LRMDA: variants seen among roughly 807,000 people sequenced by gnomAD.
LRMDA encodes leucine rich melanocyte differentiation associated, also known as leucine-rich melanocyte differentiation-associated protein.
Under a neutral mutation model 29.8 loss-of-function variants are expected in LRMDA, and 18 were observed. The observed-to-expected ratio is 0.60, with a 90% CI of 0.42 to 0.90. LRMDA has a LOEUF of 0.90. Ranked by LOEUF, LRMDA falls within the 40% of genes least tolerant of loss-of-function variation. LRMDA has a pLI of 0.00. For synonymous variants in LRMDA, 125 were observed against 109.4 expected (o/e 1.14, Z -0.89); for missense variants, 273 against 273.9 (o/e 1.00, Z 0.02).
At chr10:75,901,316 T>C (rs1261053538) in intron 2 of LRMDA, among the ~76,000 whole-genome samples, 1 of 152,186 alleles carries the variant, frequency 6.6e-6, no homozygotes, top group South Asian at 2.1e-4. Flanking sequence ...CACCTTTTTT[T>C]TTTTTTAAGA....
chr10:75,861,761 A>G (rs1564589508), intron 2 of LRMDA, among the ~76,000 whole-genome samples: 1 of 152,194 alleles, frequency 6.6e-6, no homozygotes, highest in Non-Finnish European at 1.5e-5. Context: ...CACACTTCCT[A>G]GTAGTTCCCT....
intron 2 of LRMDA, among the ~76,000 whole-genome samples, chr10:75,997,286 T>C (rs879468118): frequency 6.6e-6 from 1 of 152,178 alleles, no homozygotes; most frequent in Non-Finnish European, 1.5e-5. Flanking sequence ...ACTATATTGT[T>C]CTAGGCCTTT....
chr10:76,413,367 C>T (rs555775790), intron 6 of LRMDA, among the ~76,000 whole-genome samples: 1 of 152,132 alleles, frequency 6.6e-6, no homozygotes, highest in Non-Finnish European at 1.5e-5. Context: ...ATGGAGTCAC[C>T]GTTCTACCTG....
At chr10:75,471,932 C>T (rs1262740572) in intron 2 of LRMDA, among the ~76,000 whole-genome samples, 1 of 152,016 alleles carries the variant, frequency 6.6e-6, no homozygotes. Context: ...TATCCTTGAC[C>T]CTCTGGCTTC....
At chr10:75,552,900 T>G (rs1840170128) in intron 2 of LRMDA, among the ~76,000 whole-genome samples, 2 of 152,158 alleles carry the variant, frequency 1.3e-5, no homozygotes, top group African/African-American at 4.8e-5. Flanking sequence ...CCTTTCCATT[T>G]GACTCATTTT....
intron 2 of LRMDA, among the ~76,000 whole-genome samples, chr10:75,868,153 G>A (rs1408109955): frequency 1.3e-5 from 2 of 152,156 alleles, no homozygotes; most frequent in Admixed American, 6.6e-5. Flanking sequence ...TCATTGTGAG[G>A]TGTTGGCTGT....
At chr10:76,147,446 C>T (rs1190106578) in intron 5 of LRMDA, among the ~76,000 whole-genome samples, 2 of 152,160 alleles carry the variant, frequency 1.3e-5, no homozygotes, top group South Asian at 4.1e-4. Flanking sequence ...CATCTTCCAT[C>T]ACTGATACCC....
chr10:76,442,769 T>C (rs1379026002), intron 6 of LRMDA, among the ~76,000 whole-genome samples: 1 of 152,204 alleles, frequency 6.6e-6, no homozygotes, highest in Admixed American at 6.5e-5. Flanking sequence ...ATTTCTCTTT[T>C]TAGGCGTGCA....
intron 5 of LRMDA, among the ~76,000 whole-genome samples, chr10:76,136,898 T>C (rs11001628): frequency 0.15 from 22,774 of 152,190 alleles, 2,033 homozygotes; most frequent in Admixed American, 0.23. Flanking sequence ...GATACCTATA[T>C]GTCAGGCCCT....
intron 5 of LRMDA, among the ~76,000 whole-genome samples, chr10:76,155,937 T>G (rs1850529433): frequency 6.6e-6 from 1 of 152,164 alleles, no homozygotes; most frequent in Non-Finnish European, 1.5e-5. Context: ...TTATAGCAAC[T>G]CAAGGTCTAA....
At chr10:75,895,385 A>G (rs1012222849) in intron 2 of LRMDA, among the ~76,000 whole-genome samples, 7 of 152,214 alleles carry the variant, frequency 4.6e-5, no homozygotes, top group South Asian at 2.1e-4. Flanking sequence ...CTTTACATCT[A>G]TCATCTTCAC....
chr10:76,535,120 C>A (rs548626312), intron 6 of LRMDA, among the ~76,000 whole-genome samples: 2 of 152,164 alleles, frequency 1.3e-5, no homozygotes, highest in African/African-American at 4.8e-5. Context: ...CCCAGCACAT[C>A]GTAGACTCTC....
intron 2 of LRMDA, among the ~76,000 whole-genome samples, chr10:75,878,657 G>C (rs1845241419): frequency 6.6e-6 from 1 of 152,134 alleles, no homozygotes; most frequent in African/African-American, 2.4e-5. Flanking sequence ...TGTAAAAACA[G>C]GAGTGCCTGT....
At chr10:75,739,022 C>G (rs559217754) in intron 2 of LRMDA, among the ~76,000 whole-genome samples, 1 of 152,204 alleles carries the variant, frequency 6.6e-6, no homozygotes, top group South Asian at 2.1e-4. Flanking sequence ...CACTCACACA[C>G]TGACCGTTAA....
intron 2 of LRMDA, among the ~76,000 whole-genome samples, chr10:75,465,995 AG>A (rs1448443227): frequency 2.6e-5 from 4 of 152,176 alleles, no homozygotes; most frequent in Non-Finnish European, 5.9e-5. Flanking sequence ...CTAAAAGATT[AG>A]CCATAGGCAC....
chr10:76,134,490 G>A (rs1012256821), intron 5 of LRMDA, among the ~76,000 whole-genome samples: 3 of 152,054 alleles, frequency 2.0e-5, no homozygotes, highest in Admixed American at 6.5e-5. Context: ...CTCTTTCCTG[G>A]GGACACTATT....
At chr10:76,207,083 G>A (rs980143908) in intron 5 of LRMDA, among the ~76,000 whole-genome samples, 4 of 152,224 alleles carry the variant, frequency 2.6e-5, no homozygotes, top group Non-Finnish European at 5.9e-5. Flanking sequence ...TCAAACTCAA[G>A]CCTGTCTGAC....
At chr10:76,112,700 CG>C in intron 5 of LRMDA, among the ~76,000 whole-genome samples, 1 of 148,152 alleles carries the variant, frequency 6.7e-6, no homozygotes, top group East Asian at 2.0e-4. Context: ...GTCCGGCTCC[CG>C]GAGCCCCCAG....
intron 2 of LRMDA, among the ~76,000 whole-genome samples, chr10:75,697,856 T>TGTGTGTGCACGCGCGC (rs1294136239): frequency 2.7e-5 from 4 of 150,800 alleles, no homozygotes; most frequent in African/African-American, 9.9e-5. Context: ...TGTGTGCGTG[T>TGTGTGTGCACGCGCGC]GTGTGTGTGT....
Sources: gnomAD v4.1 joint callset for allele counts (sites outside exome capture counted in the v4.1 genomes callset) on GRCh38, gnomAD v4.1.1 for gene constraint, MANE v1.5 for transcripts, NCBI Gene and HGNC (gene_info 2026-07-23, HGNC 2026-07-21) for gene names.